Variants in FRAS1 observed in about 807,000 individuals in gnomAD.
FRAS1 encodes extracellular matrix organizing protein FRAS1.
In FRAS1, 290 loss-of-function variants were observed where a neutral mutation model predicts 435.2. The observed-to-expected ratio is 0.67, with a 90% CI of 0.61 to 0.73. The LOEUF (loss-of-function observed/expected upper bound fraction) is 0.73. Ranked by LOEUF, FRAS1 falls within the 30% of genes least tolerant of loss-of-function variation. FRAS1 has a pLI of 0.00. For missense variants in FRAS1, 4,860 were observed against 5,001.5 expected, an observed-to-expected ratio of 0.97 and a Z score of 0.85; for synonymous variants, 1,800 against 1,851.0, an observed-to-expected ratio of 0.97 and a Z score of 0.71.
At chr4:78,533,202 T>A (rs1243213112) in intron 70 of FRAS1, among the ~76,000 whole-genome samples, 1 of 152,254 alleles carries the variant, frequency 6.6e-6, no homozygotes, top group Non-Finnish European at 1.5e-5. Flanking sequence ...TATATTATTT[T>A]TTATTTATTT....
intron 15 of FRAS1, among the ~76,000 whole-genome samples, chr4:78,312,407 T>C: frequency 6.6e-6 from 1 of 152,088 alleles, no homozygotes; most frequent in South Asian, 2.1e-4. Flanking sequence ...TCAAACTTTT[T>C]TTCATTAATT....
intron 2 of FRAS1, among the ~76,000 whole-genome samples, chr4:78,157,806 T>A (rs950506111): frequency 2.0e-5 from 3 of 152,190 alleles, no homozygotes; most frequent in Admixed American, 6.5e-5. Context: ...GTGCAGAAAG[T>A]CTTTAGTTTA....
chr4:78,376,727 A>G (rs954745196), intron 26 of FRAS1, among the ~76,000 whole-genome samples: 4 of 152,180 alleles, frequency 2.6e-5, no homozygotes, highest in African/African-American at 9.7e-5. Context: ...ATGGTGGCTC[A>G]CGCCTGTAAT....
At chr4:78,062,814 T>C (rs1253502482) in intron 1 of FRAS1, among the ~76,000 whole-genome samples, 1 of 152,208 alleles carries the variant, frequency 6.6e-6, no homozygotes, top group Non-Finnish European at 1.5e-5. Flanking sequence ...CTGGGCTTCC[T>C]TCTTGACACT....
chr4:78,120,536 A>G (rs576305304), intron 2 of FRAS1, among the ~76,000 whole-genome samples: 159 of 152,294 alleles, frequency 1.0e-3, no homozygotes, highest in Non-Finnish European at 1.8e-3. Flanking sequence ...CTTAGCTCTG[A>G]CTTGTTCTCC....
chr4:78,152,921 TA>T (rs1169908289), intron 2 of FRAS1, among the ~76,000 whole-genome samples: 1 of 152,176 alleles, frequency 6.6e-6, no homozygotes, highest in Non-Finnish European at 1.5e-5. Flanking sequence ...GCCCTCGTCC[TA>T]CTCAGTTTAC....
At chr4:78,497,948 T>C (rs925985753) in intron 60 of FRAS1, among the ~76,000 whole-genome samples, 2 of 152,146 alleles carry the variant, frequency 1.3e-5, no homozygotes, top group African/African-American at 4.8e-5. Context: ...TCATTGAGAC[T>C]CAGACAAATA....
At chr4:78,446,621 A>G (rs1457246067) in intron 42 of FRAS1, 106 bp from the exon 43 acceptor site, 9 of 1,458,108 alleles carry the variant, frequency 6.2e-6, no homozygotes, top group African/African-American at 1.5e-5. Context: ...ATTAAATGCT[A>G]TTTTGAGGTG....
rs766132148 is a variant in FRAS1, at chr4:78,448,184, G to A, written c.6142G>A (p.Val2048Ile). 19 of 1,613,566 alleles carry A rather than the reference G, an allele frequency of 1.2e-5. No individual in the cohort carries two copies. Among genetic ancestry groups the A allele is most frequent in the Middle Eastern group, 1.7e-4 (1 of 5,922 alleles). The part of the protein sequence containing the change: ...VGYVPSVPGM[V>I]VDEFQFSLTD... The stretch of plus-strand genomic sequence containing the variant: ...GTATGTGCCTAGTGTCCCTGGCATG[G>A]TCGTGGATGAGTTCCAGTTCTCCCT... Residue 2048 changes from valine (V) to isoleucine (I), a missense_variant, in exon 44 of 74, where the codon GTC (valine) becomes ATC (isoleucine). Physicochemically the swap from Val to Ile is conservative, Grantham distance 29 (BLOSUM62 3). Transcript: ENST00000512123.
At chr4:78,191,698 C>G (rs1490993622) in intron 2 of FRAS1, among the ~76,000 whole-genome samples, 1 of 152,014 alleles carries the variant, frequency 6.6e-6, no homozygotes, top group Non-Finnish European at 1.5e-5. Context: ...CCGCTCCCCC[C>G]ACCCCACAAC....
At chr4:78,102,986 G>A (rs1039127282) in intron 2 of FRAS1, among the ~76,000 whole-genome samples, 4 of 152,118 alleles carry the variant, frequency 2.6e-5, no homozygotes, top group Non-Finnish European at 5.9e-5. Flanking sequence ...TGCTCATTCT[G>A]GAGCATGAAA....
chr4:78,384,956 G>A (rs527732554), intron 28 of FRAS1, among the ~76,000 whole-genome samples: 156 of 151,254 alleles, frequency 1.0e-3, no homozygotes, highest in African/African-American at 3.6e-3. Flanking sequence ...AGGTAAAGGA[G>A]TTTGTTTTAT....
intron 47 of FRAS1, among the ~76,000 whole-genome samples, chr4:78,459,211 T>C (rs74900370): frequency 0.022 from 3,278 of 152,320 alleles, 119 homozygotes; most frequent in African/African-American, 0.075. Flanking sequence ...TAATTACATG[T>C]ATATGGTACT....
At chr4:78,356,335 T>C (rs1730855934) in intron 20 of FRAS1, among the ~76,000 whole-genome samples, 1 of 152,076 alleles carries the variant, frequency 6.6e-6, no homozygotes, top group African/African-American at 2.4e-5. Context: ...GTATTTTTAC[T>C]CCAATAACCT....
At chr4:78,113,514 G>A (rs529061916) in intron 2 of FRAS1, among the ~76,000 whole-genome samples, 39 of 152,148 alleles carry the variant, frequency 2.6e-4, no homozygotes, top group African/African-American at 5.3e-4. Context: ...TTTAATGATC[G>A]CCATTCTAAC....
At chr4:78,418,906 T>G in intron 32 of FRAS1, 43 bp from the exon 33 acceptor site, 1 of 1,264,088 alleles carries the variant, frequency 7.9e-7, no homozygotes, top group Non-Finnish European at 1.1e-6. Flanking sequence ...TGGCTTTTGT[T>G]TTTCATACCA....
At chr4:78,383,716 T>C (rs1385899407) in intron 27 of FRAS1, among the ~76,000 whole-genome samples, 1 of 152,218 alleles carries the variant, frequency 6.6e-6, no homozygotes, top group Non-Finnish European at 1.5e-5. Context: ...TTCCTTTCAA[T>C]TCTTCAATTT....
At position 78,337,923 on chromosome 4, in the gene FRAS1, T is replaced by C. The variant is rs146341584; in HGVS notation, c.2422+106T>C. ...TGTCCTCAGTTTATGAGCTCTTTTA[T>C]AGGAGACATTTGTTTCATGTCTGGA... On this transcript the variant is annotated intron_variant, in intron 20 of 73. Transcript: ENST00000512123. The C allele has an allele frequency of 6.0e-4, 643 of 1,068,388 alleles. 2 individuals are homozygous for C. The highest frequency in any genetic ancestry group is 3.0e-3 in the Middle Eastern group (11 of 3,672). The allele number at this position is 1,068,388 out of a possible 1,614,324, so 66.2% of individuals were successfully genotyped here.
chr4:78,515,881 C>A lies in FRAS1; in HGVS notation c.10257C>A (p.Ser3419Arg). The A allele has an allele frequency of 1.2e-6, 2 of 1,613,990 alleles. No individual in the cohort carries two copies. Among genetic ancestry groups the A allele is most frequent in the Non-Finnish European group, 8.5e-7 (1 of 1,179,882 alleles). ...GYDRPFQFDP[S>R]VREPKTIQLY... The stretch of plus-strand genomic sequence containing the variant: ...ATCGCCCCTTCCAGTTTGACCCCAG[C>A]GTGCGAGAGCCGAAGACCATCCAGC... The change falls in exon 66 of 74, where the codon AGC becomes AGA. Residue 3419 changes from serine (S) to arginine (R), a missense_variant. By Grantham distance (110) the Ser-to-Arg change is moderately radical. Coordinates refer to ENST00000512123, the MANE Select transcript of FRAS1 (RefSeq NM_025074.7).
Sources: gnomAD v4.1 joint callset for allele counts (sites outside exome capture counted in the v4.1 genomes callset) on GRCh38, gnomAD v4.1.1 for gene constraint, MANE v1.5 for transcripts, NCBI Gene and HGNC (gene_info 2026-07-23, HGNC 2026-07-21) for gene names.